MRS2: variants seen among roughly 807,000 people sequenced by gnomAD.
The protein encoded by MRS2 is magnesium transporter MRS2.
A neutral mutation model predicts 52.6 loss-of-function variants in MRS2; 40 were observed. The observed-to-expected ratio is 0.76, with a 90% CI of 0.59 to 0.99. MRS2 has a LOEUF of 0.99. MRS2 is among the 50% of genes least tolerant of loss of function. The pLI is 0.00. For synonymous variants in MRS2, 193 were observed against 195.9 expected (o/e 0.98, Z 0.13); for missense variants, 472 against 532.7 (o/e 0.89, Z 1.12).
At chr6:24,405,303 G>A (rs971123936) in intron 2 of MRS2, 62 bp downstream of exon 2, 7 of 1,187,998 alleles carry the variant, frequency 5.9e-6, no homozygotes, top group East Asian at 2.4e-5. Flanking sequence ...AAGTTAACTC[G>A]TTGGACTGTT....
chr6:24,423,695 G>A lies in MRS2; in HGVS notation c.*1G>A, dbSNP rs1207324590. On this transcript the variant is annotated 3_prime_UTR_variant, in exon 11 of 11. Transcript: ENST00000378386. ...AAGGAGCATCCTAACAAACCGTTAG[G>A]AACAGCCCCGTGGATACTGAAGTTT... 2.6e-6 allele frequency: 4 copies of A among 1,557,700 alleles called. No homozygotes were observed. The highest frequency in any genetic ancestry group is 3.5e-5 in the Admixed American group (2 of 57,756).
intron 2 of MRS2, among the ~76,000 whole-genome samples, chr6:24,407,759 G>C (rs1761525109): frequency 6.6e-6 from 1 of 152,160 alleles, no homozygotes; most frequent in South Asian, 2.1e-4. Flanking sequence ...AGAAGGATAA[G>C]GGACAGGAGA....
chr6:24,409,635 C>G, intron 4 of MRS2, 62 bp downstream of exon 4: 1 of 1,039,586 alleles, frequency 9.6e-7, no homozygotes, highest in South Asian at 1.5e-5. Flanking sequence ...TACCTTCTAA[C>G]TATCTTGATT....
At position 24,416,490 on chromosome 6, in the gene MRS2, A is replaced by C; in HGVS notation, c.813A>C (p.Ser271=). Residue 271 remains serine, a synonymous_variant, in exon 7 of 11, where the codon TCA becomes TCC. Coordinates refer to ENST00000378386, the MANE Select transcript of MRS2 (RefSeq NM_020662.4). The stretch of plus-strand genomic sequence containing the variant: ...AGTTGCTAGAAGAGCTCTGTGTATC[A>C]AAATGGAGTGACCCACAAGTCTTGT... ...EEELLEELCV[S]KWSDPQVFEK... is the part of the protein sequence containing the mutation. 1 of 1,574,708 alleles carries C rather than the reference A, an allele frequency of 6.4e-7. No individual in the cohort carries two copies. The highest frequency in any genetic ancestry group is 8.7e-7 in the Non-Finnish European group (1 of 1,146,490).
chr6:24,423,514 TA>T, intron 10 of MRS2, 69 bp from the exon 11 acceptor site: 2 of 813,518 alleles, frequency 2.5e-6, no homozygotes, highest in Non-Finnish European at 4.0e-6. Flanking sequence ...AGTAGTTACA[TA>T]ATACATCATT....
intron 6 of MRS2, among the ~76,000 whole-genome samples, chr6:24,415,813 C>T (rs1761828949): frequency 6.6e-6 from 1 of 152,164 alleles, no homozygotes; most frequent in Non-Finnish European, 1.5e-5. Flanking sequence ...GATAATTTTA[C>T]CAATTAATTT....
In MRS2 at chr6:24,402,959, A is replaced by C. The variant is rs1256342575; in HGVS notation, c.-88A>C. ...GCACAGAGTCTGCAGGTCGGGCGGTAGCGACAGGTCAGAGCTGCGGCCTGA... is the reference window on the plus strand; with the variant it reads ...GCACAGAGTCTGCAGGTCGGGCGGTCGCGACAGGTCAGAGCTGCGGCCTGA... On this transcript the variant is annotated 5_prime_UTR_variant, in exon 1 of 11. Transcript: ENST00000378386. 2 of 1,272,678 alleles carry C rather than the reference A, an allele frequency of 1.6e-6. No individual in the cohort carries two copies. Among genetic ancestry groups the C allele is most frequent in the African/African-American group, 1.5e-5 (1 of 65,660 alleles). The allele number at this position is 1,272,678 out of a possible 1,614,324, so 78.8% of individuals were successfully genotyped here. A position where few individuals can be genotyped will look rare whatever the true frequency, so the allele number is the denominator to read the frequency against.
Position 24,416,901 on chromosome 6 carries a change from G to T in MRS2, c.836+388G>T, listed in dbSNP as rs184945593. Among the ~76,000 whole-genome samples the T allele has an allele frequency of 1.5e-3, 225 of 152,300 alleles. 5 individuals are homozygous for T. Among genetic ancestry groups the T allele is most frequent in the Admixed American group, 0.015 (225 of 15,298 alleles). ...TAACACATTAACATGGATTATGTAA[G>T]TTCAGTCTAATGAAAATGTTAATCT... On this transcript the variant is annotated intron_variant, in intron 7 of 10. Coordinates refer to ENST00000378386, the MANE Select transcript of MRS2 (RefSeq NM_020662.4).
chr6:24,415,419 T>C (rs923259068), intron 6 of MRS2, among the ~76,000 whole-genome samples: 2 of 152,118 alleles, frequency 1.3e-5, no homozygotes, highest in African/African-American at 4.8e-5. Flanking sequence ...GATGAGAAAA[T>C]TGAGGTTTGA....
intron 6 of MRS2, 147 bp downstream of exon 6, chr6:24,415,310 T>C (rs1761810909): frequency 1.4e-6 from 1 of 720,266 alleles, no homozygotes; most frequent in South Asian, 3.0e-5. Flanking sequence ...CTACTGTTTG[T>C]TGAAAAGATA....
intron 1 of MRS2, 65 bp downstream of exon 1, chr6:24,403,301 C>G: frequency 7.0e-7 from 1 of 1,422,822 alleles, no homozygotes; most frequent in Admixed American, 2.7e-5. Context: ...ACTGCTGCCC[C>G]AGCCGTCCGG....
At chr6:24,403,337 C>G (rs1761351933) in intron 1 of MRS2, 101 bp downstream of exon 1, 8 of 1,168,868 alleles carry the variant, frequency 6.8e-6, no homozygotes, top group Non-Finnish European at 9.2e-6. Context: ...GCTCCGCGCC[C>G]TCCGCAGGCC....
chr6:24,418,626 T>C (rs45590133), intron 9 of MRS2, 48 bp downstream of exon 9: 204,457 of 1,413,046 alleles, frequency 0.14, 16,030 homozygotes, highest in Middle Eastern at 0.17. Flanking sequence ...TGGCCGGGCA[T>C]GGTGGCTCAT....
At chr6:24,413,262 G>A (rs776148568) in intron 5 of MRS2, among the ~76,000 whole-genome samples, 1 of 152,104 alleles carries the variant, frequency 6.6e-6, no homozygotes, top group Non-Finnish European at 1.5e-5. Flanking sequence ...AGGGGAAGGA[G>A]AGAGGCTAGG....
Position 24,424,258 on chromosome 6 carries a change from A to T in MRS2, c.*564A>T, listed in dbSNP as rs1762154801. 6.6e-6 allele frequency: 1 copy of T among 151,776 alleles called. No individual in the cohort carries two copies. The highest frequency in any genetic ancestry group is 1.9e-4 in the East Asian group (1 of 5,194). The allele number at this position is 151,776 out of a possible 1,614,324, so 9.4% of individuals were successfully genotyped here. On this transcript the variant is annotated 3_prime_UTR_variant, in exon 11 of 11. Transcript: ENST00000378386. ...AAGGTGAATAAAAAGAAATAATTTA[A>T]TATCACCATTGTATGGATTCCTAAT...
Position 24,418,552 on chromosome 6 carries a change from A to G in MRS2, c.1081A>G (p.Met361Val), listed in dbSNP as rs1286841057. Residue 361 changes from methionine (M) to valine (V), a missense_variant, in exon 9 of 11, where the codon ATG becomes GTG. Physicochemically the swap from Met to Val is conservative, Grantham distance 21. Transcript: ENST00000378386. ...LFGLMGVAFGMNLESSLEEDH... is the reference protein window; with the variant it reads ...LFGLMGVAFGVNLESSLEEDH... Reference sequence around the variant, plus strand: ...TGGACTAATGGGAGTTGCTTTTGGAATGAATTTGGAATCTTCCCTTGAAGA... The same window carrying G: ...TGGACTAATGGGAGTTGCTTTTGGAGTGAATTTGGAATCTTCCCTTGAAGA... 1.2e-6 allele frequency: 2 copies of G among 1,613,580 alleles called. No homozygotes were observed. Among genetic ancestry groups the G allele is most frequent in the Admixed American group, 1.7e-5 (1 of 60,004 alleles).
intron 2 of MRS2, among the ~76,000 whole-genome samples, chr6:24,407,377 T>A (rs573990519): frequency 1.3e-5 from 2 of 152,198 alleles, no homozygotes; most frequent in East Asian, 1.9e-4. Context: ...ATATATATAT[T>A]GTGAGTTTTT....
chr6:24,416,931 A>C (rs1268191590), intron 7 of MRS2, among the ~76,000 whole-genome samples: 1 of 152,190 alleles, frequency 6.6e-6, no homozygotes, highest in Non-Finnish European at 1.5e-5. Flanking sequence ...TAATCTTATA[A>C]ACCTTTTATC....
In MRS2 at chr6:24,423,769, T is replaced by G; in HGVS notation, c.*75T>G. 1 of 653,922 alleles carries G rather than the reference T, an allele frequency of 1.5e-6. No homozygotes were observed. The highest frequency in any genetic ancestry group is 2.5e-6 in the Non-Finnish European group (1 of 392,406). 40.5% of individuals were successfully genotyped at this position (653,922 alleles called of 1,614,324 possible). A position where few individuals can be genotyped will look rare whatever the true frequency, so the allele number is the denominator to read the frequency against. ...TTCTGATACTCTTTTTATTATTTTCTTGTATAGAGTCAGACACTTGAAAAA... is the reference window on the plus strand; with the variant it reads ...TTCTGATACTCTTTTTATTATTTTCGTGTATAGAGTCAGACACTTGAAAAA... On this transcript the variant is annotated 3_prime_UTR_variant, in exon 11 of 11. Coordinates refer to ENST00000378386, the MANE Select transcript of MRS2 (RefSeq NM_020662.4).
Sources: allele counts gnomAD v4.1 joint callset (sites outside exome capture counted in the v4.1 genomes callset), GRCh38; gene constraint gnomAD v4.1.1; transcripts MANE v1.5; gene names NCBI Gene and HGNC (gene_info 2026-07-23, HGNC 2026-07-21).